Variants in EPHB1 observed in about 807,000 individuals in gnomAD.
EPHB1 encodes the protein ephrin type-B receptor 1.
EPHB1 carries 30 observed loss-of-function variants against 94.4 expected under a neutral mutation model. The ratio of observed to expected loss-of-function variants is 0.32; its 90% CI spans 0.24 to 0.43. The LOEUF (loss-of-function observed/expected upper bound fraction) is 0.43, where lower values mean the gene tolerates loss of function less well. Among genes scored for constraint, EPHB1 ranks in the 20% least tolerant of loss-of-function variants. EPHB1 has a pLI of 1.00. For synonymous variants in EPHB1, 522 were observed against 489.1 expected, an observed-to-expected ratio of 1.07 and a Z score of -0.89; for missense variants, 1,055 against 1,308.3, an observed-to-expected ratio of 0.81 and a Z score of 2.99.
At chr3:135,210,322 A>G (rs962170578) in intron 12 of EPHB1, among the ~76,000 whole-genome samples, 9 of 152,174 alleles carry the variant, frequency 5.9e-5, no homozygotes, top group Non-Finnish European at 1.3e-4. Flanking sequence ...TTATATGTCT[A>G]TAGGATATCA....
chr3:134,973,572 C>T (rs1478486329), intron 3 of EPHB1, among the ~76,000 whole-genome samples: 1 of 151,778 alleles, frequency 6.6e-6, no homozygotes, highest in African/African-American at 2.4e-5. Context: ...GCCGGGATTA[C>T]AGGCATGCAC....
At chr3:135,258,039 C>T (rs1386002191) in intron 15 of EPHB1, among the ~76,000 whole-genome samples, 2 of 152,330 alleles carry the variant, frequency 1.3e-5, no homozygotes, top group East Asian at 1.9e-4. Flanking sequence ...CCTTGCGCTT[C>T]CCAAGTGAGG....
chr3:135,189,545 C>T (rs927471312), intron 10 of EPHB1, among the ~76,000 whole-genome samples: 1 of 152,346 alleles, frequency 6.6e-6, no homozygotes, highest in South Asian at 2.1e-4. Context: ...TTACTTTGCA[C>T]CGTGCTCTGC....
intron 3 of EPHB1, among the ~76,000 whole-genome samples, chr3:135,078,696 GTCATGCA>G (rs1938036779): frequency 6.6e-6 from 1 of 152,236 alleles, no homozygotes; most frequent in Admixed American, 6.5e-5. Flanking sequence ...GAGAAACCTA[GTCATGCA>G]TCTTTCTTAG....
chr3:135,042,973 C>T (rs1386695458), intron 3 of EPHB1, among the ~76,000 whole-genome samples: 1 of 152,080 alleles, frequency 6.6e-6, no homozygotes, highest in African/African-American at 2.4e-5. Flanking sequence ...TCCCGAGTAG[C>T]TGGGACTACA....
At chr3:135,188,611 T>C (rs1942389565) in intron 10 of EPHB1, among the ~76,000 whole-genome samples, 1 of 152,220 alleles carries the variant, frequency 6.6e-6, no homozygotes. Context: ...GCAAGACAAT[T>C]GGTCACTTCT....
At position 135,238,444 on chromosome 3, in the gene EPHB1, C is replaced by G. The variant is rs114246023; in HGVS notation, c.2347-2704C>G. ...TAGGCTCCTTGCCGTGGGCCAGGCA[C>G]TGCCACTTTCCAGGCAGGAGGGAGC... is the stretch of plus-strand genomic sequence containing the variant. On this transcript the variant is annotated intron_variant, in intron 12 of 15. Transcript: ENST00000398015. 6.6e-3 allele frequency among the ~76,000 whole-genome samples: 1,000 copies of G among 152,320 alleles called. 13 individuals carry two copies. Among genetic ancestry groups the G allele is most frequent in the African/African-American group, 0.023 (952 of 41,578 alleles).
chr3:135,217,330 G>T (rs1943170054), intron 12 of EPHB1, among the ~76,000 whole-genome samples: 2 of 151,678 alleles, frequency 1.3e-5, no homozygotes, highest in Non-Finnish European at 2.9e-5. Flanking sequence ...AGTCCTCATG[G>T]GTAGAAAATG....
intron 1 of EPHB1, among the ~76,000 whole-genome samples, chr3:134,841,238 C>T (rs1020061223): frequency 6.6e-6 from 1 of 152,180 alleles, no homozygotes; most frequent in Non-Finnish European, 1.5e-5. Flanking sequence ...GCCAGGACAT[C>T]TCTAGAGCCT....
intron 1 of EPHB1, among the ~76,000 whole-genome samples, chr3:134,913,549 C>A (rs548441761): frequency 2.0e-5 from 3 of 152,086 alleles, no homozygotes; most frequent in Non-Finnish European, 4.4e-5. Context: ...GCTGTGGATG[C>A]GAGGAAAGAC....
At chr3:135,101,859 T>C (rs1423180146) in intron 3 of EPHB1, among the ~76,000 whole-genome samples, 2 of 152,174 alleles carry the variant, frequency 1.3e-5, no homozygotes, top group Non-Finnish European at 2.9e-5. Context: ...TGTACATCCA[T>C]CCACCTGGTC....
intron 12 of EPHB1, among the ~76,000 whole-genome samples, chr3:135,237,546 A>T (rs1185068866): frequency 6.6e-6 from 1 of 151,994 alleles, no homozygotes; most frequent in Non-Finnish European, 1.5e-5. Flanking sequence ...CCCCTGCGGC[A>T]GCTCTAGGGA....
intron 1 of EPHB1, among the ~76,000 whole-genome samples, chr3:134,849,016 G>A (rs955491614): frequency 6.6e-6 from 1 of 152,210 alleles, no homozygotes; most frequent in Admixed American, 6.5e-5. Flanking sequence ...TCACACCTAC[G>A]CACAAGGCGG....
chr3:134,798,981 T>G (rs1578093510), intron 1 of EPHB1, among the ~76,000 whole-genome samples: 1 of 152,364 alleles, frequency 6.6e-6, no homozygotes, highest in Admixed American at 6.5e-5. Context: ...TGCTCTTTTG[T>G]GTAGCCTATA....
chr3:135,123,682 C>A (rs1014473787), intron 4 of EPHB1, among the ~76,000 whole-genome samples: 1 of 151,930 alleles, frequency 6.6e-6, no homozygotes, highest in African/African-American at 2.4e-5. Context: ...TCACTCTGGG[C>A]CTTTGTTTTC....
At chr3:135,201,210 T>C (rs147904469) in intron 11 of EPHB1, among the ~76,000 whole-genome samples, 1 of 151,846 alleles carries the variant, frequency 6.6e-6, no homozygotes, top group Admixed American at 6.6e-5. Flanking sequence ...GGCGACTTGG[T>C]TGGACTGGCG....
chr3:134,895,177 C>T (rs1338094711), intron 1 of EPHB1, among the ~76,000 whole-genome samples: 3 of 152,236 alleles, frequency 2.0e-5, no homozygotes, highest in Non-Finnish European at 4.4e-5. Flanking sequence ...CTCTGCTTTT[C>T]CCTGCTTCCT....
intron 3 of EPHB1, among the ~76,000 whole-genome samples, chr3:135,088,526 T>A (rs1430908159): frequency 6.6e-6 from 1 of 152,202 alleles, no homozygotes; most frequent in Non-Finnish European, 1.5e-5. Flanking sequence ...CACTCCATGG[T>A]GTGATGTTGG....
intron 3 of EPHB1, among the ~76,000 whole-genome samples, chr3:134,960,436 C>G (rs1236803231): frequency 6.6e-6 from 1 of 152,130 alleles, no homozygotes; most frequent in Non-Finnish European, 1.5e-5. Context: ...AGTTGAGCCC[C>G]CATTTTTGTT....
Sources: gnomAD v4.1 joint callset for allele counts (sites outside exome capture counted in the v4.1 genomes callset) on GRCh38, gnomAD v4.1.1 for gene constraint, MANE v1.5 for transcripts, NCBI Gene and HGNC (gene_info 2026-07-23, HGNC 2026-07-21) for gene names.